Variants in STEAP4 observed in about 807,000 individuals in gnomAD.
STEAP4 encodes STEAP4 metalloreductase, also known as metalloreductase STEAP4.
Under a neutral mutation model 43.6 loss-of-function variants are expected in STEAP4, and 36 were observed. The ratio of observed to expected loss-of-function variants is 0.83; its 90% CI spans 0.63 to 1.09. The LOEUF (loss-of-function observed/expected upper bound fraction) is 1.09. Ranked by LOEUF, STEAP4 falls within the 50% of genes least tolerant of loss-of-function variation. The pLI, the probability that STEAP4 is intolerant of heterozygous loss-of-function variation, is 0.00. For synonymous variants in STEAP4, 191 were observed against 196.7 expected, an observed-to-expected ratio of 0.97 and a Z score of 0.24; for missense variants, 495 against 546.5, an observed-to-expected ratio of 0.91 and a Z score of 0.94.
In STEAP4 at chr7:88,274,176, C is replaced by T. The variant is rs893488184; in HGVS notation, c.*5222G>A. 1 of 152,174 alleles carries T rather than the reference C, an allele frequency of 6.6e-6. No homozygotes were observed. Among genetic ancestry groups the T allele is most frequent in the African/African-American group, 2.4e-5 (1 of 41,432 alleles). 9.4% of individuals were successfully genotyped at this position (152,174 alleles called of 1,614,324 possible). On this transcript the variant is annotated 3_prime_UTR_variant, in exon 5 of 5. Transcript: ENST00000380079. ...GTCAAAGTACTGAGATTTCAAAGCT[C>T]AGTTTCCTCTTCTGATAAATAAGGA...
At chr7:88,301,520 T>C (rs1328881760) in intron 1 of STEAP4, among the ~76,000 whole-genome samples, 1 of 152,142 alleles carries the variant, frequency 6.6e-6, no homozygotes, top group African/African-American at 2.4e-5. Context: ...CAAGTGATTC[T>C]CCTACCTCAG....
rs1397302987 is a variant in STEAP4 at position 88,276,106 on chromosome 7, A to G, written c.*3292T>C. The G allele has an allele frequency of 6.6e-6, 1 of 151,952 alleles. No individual in the cohort carries two copies. The highest frequency in any genetic ancestry group is 1.5e-5 in the Non-Finnish European group (1 of 68,028). The allele number at this position is 151,952 out of a possible 1,614,324, so 9.4% of individuals were successfully genotyped here. A position where few individuals can be genotyped will look rare whatever the true frequency, so the allele number is the denominator to read the frequency against. ...TGCATGGAGAAGGAAAGCCTTTTTT[A>G]CCTCCAAATTCTCACAAAAATCCAG... On this transcript the variant is annotated 3_prime_UTR_variant, in exon 5 of 5. Coordinates refer to ENST00000380079, the MANE Select transcript of STEAP4 (RefSeq NM_024636.4).
chr7:88,299,860 A>G (rs1853000435), intron 1 of STEAP4, among the ~76,000 whole-genome samples: 1 of 152,236 alleles, frequency 6.6e-6, no homozygotes, highest in African/African-American at 2.4e-5. Flanking sequence ...GAGGAACTCC[A>G]TTCTGCTTTA....
intron 1 of STEAP4, among the ~76,000 whole-genome samples, chr7:88,286,771 A>G (rs1395921395): frequency 7.3e-6 from 1 of 137,844 alleles, no homozygotes; most frequent in African/African-American, 2.8e-5. Context: ...ATAAACACAC[A>G]CACACACACA....
rs1001906511 is a variant in STEAP4, at chr7:88,278,915, A to G, written c.*483T>C. ...TGCCTTTACTTCCAAAAAACAACAA[A>G]AACCTCATTCCCTTTTTACATTTCA... On this transcript the variant is annotated 3_prime_UTR_variant, in exon 5 of 5. Transcript: ENST00000380079. The G allele has an allele frequency of 6.4e-6, 1 of 155,946 alleles. No individual in the cohort carries two copies. Among genetic ancestry groups the G allele is most frequent in the African/African-American group, 2.4e-5 (1 of 41,474 alleles). The allele number at this position is 155,946 out of a possible 1,614,324, so 9.7% of individuals were successfully genotyped here.
rs558938434 is a variant in STEAP4 at position 88,284,456 on chromosome 7, G to T, written c.-2-185C>A. 1.3e-5 allele frequency among the ~76,000 whole-genome samples: 2 copies of T among 152,250 alleles called. 1 individual carries two copies. Among genetic ancestry groups the T allele is most frequent in the African/African-American group, 4.8e-5 (2 of 41,562 alleles). On this transcript the variant is annotated intron_variant, in intron 1 of 4. Transcript: ENST00000380079. The stretch of plus-strand genomic sequence containing the variant: ...ATATTTCCCCCCAAATTTGGAAGGA[G>T]TAAAAATTGTCATATATCTTTTCAT...
At chr7:88,280,842 G>T in intron 4 of STEAP4, 73 bp downstream of exon 4, 2 of 1,404,922 alleles carry the variant, frequency 1.4e-6, no homozygotes, top group South Asian at 1.6e-5. Context: ...TTTCTAATTT[G>T]AATTTTTAAA....
intron 1 of STEAP4, chr7:88,292,871 C>T (rs576591617): frequency 2.0e-5 from 3 of 152,180 alleles, no homozygotes; most frequent in South Asian, 4.1e-4. Context: ...ATTTTATTGC[C>T]GAGCGGTATT....
chr7:88,302,116 C>T (rs1563505276), intron 1 of STEAP4, among the ~76,000 whole-genome samples: 1 of 152,220 alleles, frequency 6.6e-6, no homozygotes, highest in Non-Finnish European at 1.5e-5. Flanking sequence ...GACTTTGCCA[C>T]TGCACTTTGA....
At position 88,274,826 on chromosome 7, in the gene STEAP4, G is replaced by A. The variant is rs1285101666; in HGVS notation, c.*4572C>T. The A allele has an allele frequency of 1.3e-5, 2 of 152,200 alleles. No homozygotes were observed. Among genetic ancestry groups the A allele is most frequent in the African/African-American group, 4.8e-5 (2 of 41,446 alleles). 9.4% of individuals were successfully genotyped at this position (152,200 alleles called of 1,614,324 possible). A position where few individuals can be genotyped will look rare whatever the true frequency, so the allele number is the denominator to read the frequency against. ...TAGGGTAACTTCTGGATGTGGCCAT[G>A]GAATTTGTAAACTGTCATGGTGCTA... On this transcript the variant is annotated 3_prime_UTR_variant, in exon 5 of 5. Transcript: ENST00000380079.
At chr7:88,302,110 T>C (rs1221079505) in intron 1 of STEAP4, among the ~76,000 whole-genome samples, 1 of 152,224 alleles carries the variant, frequency 6.6e-6, no homozygotes, top group Non-Finnish European at 1.5e-5. Context: ...AATGTGGACT[T>C]TGCCACTGCA....
chr7:88,288,414 C>T (rs1053401090), intron 1 of STEAP4, among the ~76,000 whole-genome samples: 3 of 152,206 alleles, frequency 2.0e-5, no homozygotes, highest in African/African-American at 7.2e-5. Context: ...AGGTGATCCG[C>T]CCACCTCAGC....
intron 1 of STEAP4, among the ~76,000 whole-genome samples, chr7:88,299,990 A>G (rs1018273325): frequency 6.6e-6 from 1 of 152,146 alleles, no homozygotes; most frequent in African/African-American, 2.4e-5. Context: ...AGGACTCCCC[A>G]TGGCCCCAGT....
chr7:88,299,907 C>A (rs990765598), intron 1 of STEAP4, among the ~76,000 whole-genome samples: 1 of 152,148 alleles, frequency 6.6e-6, no homozygotes. Context: ...TCTCTGGGGG[C>A]AGTCCACAAT....
intron 1 of STEAP4, among the ~76,000 whole-genome samples, chr7:88,286,064 A>C (rs1852727786): frequency 1.3e-5 from 2 of 152,180 alleles, no homozygotes; most frequent in Non-Finnish European, 2.9e-5. Flanking sequence ...CTTGCATTCA[A>C]GAGCACCTGT....
chr7:88,293,373 G>A (rs1852871362), intron 1 of STEAP4, among the ~76,000 whole-genome samples: 1 of 151,752 alleles, frequency 6.6e-6, no homozygotes, highest in Non-Finnish European at 1.5e-5. Flanking sequence ...TGTCAGATAT[G>A]TGATTTGCAA....
rs760704984 is a variant in STEAP4 at position 88,280,962 on chromosome 7, G to T, written c.1102C>A (p.Pro368Thr). Residue 368 changes from proline (P) to threonine (T), a missense_variant, in exon 4 of 5, where the codon CCA (proline) becomes ACA (threonine). Coordinates refer to ENST00000380079, the MANE Select transcript of STEAP4 (RefSeq NM_024636.4). ...LFVLLGITSLPSVSNAVNWRE... is the reference protein window; with the variant it reads ...LFVLLGITSLTSVSNAVNWRE... ...CAGTTGACTGCATTGCTAACAGATG[G>T]CAAAGAAGTGATTCCCAAGAGTACA... 1.9e-6 allele frequency: 3 copies of T among 1,612,414 alleles called. No homozygotes were observed. Among genetic ancestry groups the T allele is most frequent in the Non-Finnish European group, 2.5e-6 (3 of 1,179,460 alleles).
At chr7:88,293,242 CTCTG>C in intron 1 of STEAP4, among the ~76,000 whole-genome samples, 1 of 152,164 alleles carries the variant, frequency 6.6e-6, no homozygotes, top group South Asian at 2.1e-4. Flanking sequence ...TTTATTTGCT[CTCTG>C]TGTGTCCTCT....
rs1363567409 is a variant in STEAP4 at position 88,282,774 on chromosome 7, T to C, written c.851A>G (p.Asp284Gly). ...CTGCTTTCGGCAAAGCATCCAGTGG[T>C]CAAGCCAGTCTGGGAATCGACGGTA... ...TKYRRFPDWL[D>G]HWMLCRKQLG... Residue 284 changes from aspartate to glycine, a missense_variant, in exon 3 of 5, where the codon GAC (aspartate) becomes GGC (glycine). By Grantham distance (94) the Asp-to-Gly change is moderately conservative. Coordinates refer to ENST00000380079, the MANE Select transcript of STEAP4 (RefSeq NM_024636.4). The C allele has an allele frequency of 4.3e-6, 7 of 1,613,912 alleles. No individual in the cohort carries two copies. The African/African-American group carries it at 6.7e-5, about 15-fold the overall frequency.
Sources: gnomAD v4.1 joint callset for allele counts (sites outside exome capture counted in the v4.1 genomes callset) on GRCh38, gnomAD v4.1.1 for gene constraint, MANE v1.5 for transcripts, NCBI Gene and HGNC (gene_info 2026-07-23, HGNC 2026-07-21) for gene names.